Variants in AK5 observed in about 807,000 individuals in gnomAD.
The protein encoded by AK5 is adenylate kinase isoenzyme 5.
A neutral mutation model predicts 69.5 loss-of-function variants in AK5; 27 were observed. The ratio of observed to expected loss-of-function variants is 0.39; its 90% CI spans 0.29 to 0.54. AK5 has a LOEUF of 0.54. AK5 is among the 20% of genes least tolerant of loss of function. The pLI, the probability that AK5 is intolerant of heterozygous loss-of-function variation, is 0.71. For missense variants in AK5, 531 were observed against 700.4 expected (o/e 0.76, Z 2.73); for synonymous variants, 260 against 244.4 (o/e 1.06, Z -0.60).
intron 9 of AK5, among the ~76,000 whole-genome samples, chr1:77,483,787 GTAGTTACTAT>G (rs1655416010): frequency 6.6e-6 from 1 of 152,102 alleles, no homozygotes; most frequent in African/African-American, 2.4e-5. Context: ...TTCCTGCCTG[GTAGTTACTAT>G]TCCACGTGTA....
At chr1:77,343,843 T>C (rs973402349) in intron 6 of AK5, among the ~76,000 whole-genome samples, 2 of 152,254 alleles carry the variant, frequency 1.3e-5, no homozygotes, top group Non-Finnish European at 2.9e-5. Context: ...GAATCTACAG[T>C]AACCACTAGC....
intron 5 of AK5, among the ~76,000 whole-genome samples, chr1:77,339,638 C>G (rs901559882): frequency 1.4e-5 from 2 of 140,124 alleles, no homozygotes; most frequent in African/African-American, 2.7e-5. Context: ...TAAAATTTAG[C>G]AATATCTTTT....
chr1:77,467,651 T>A (rs1252509947), intron 8 of AK5, among the ~76,000 whole-genome samples: 1 of 152,232 alleles, frequency 6.6e-6, no homozygotes, highest in Admixed American at 6.5e-5. Flanking sequence ...GGCTTTTAAT[T>A]CTTCGATTTT....
chr1:77,283,900 C>T (rs572074491), intron 1 of AK5, among the ~76,000 whole-genome samples: 1 of 152,226 alleles, frequency 6.6e-6, no homozygotes, highest in African/African-American at 2.4e-5. Flanking sequence ...GCAAAAATTC[C>T]TACATAGTAC....
chr1:77,384,427 A>T (rs1249942047), intron 6 of AK5, among the ~76,000 whole-genome samples: 3 of 152,170 alleles, frequency 2.0e-5, no homozygotes, highest in Non-Finnish European at 4.4e-5. Flanking sequence ...TGGACACTTT[A>T]TAGATATTAT....
chr1:77,448,369 T>G (rs1652886500), intron 8 of AK5, among the ~76,000 whole-genome samples: 1 of 152,158 alleles, frequency 6.6e-6, no homozygotes, highest in South Asian at 2.1e-4. Flanking sequence ...TGGGACAACC[T>G]GCCTGCAGAT....
intron 8 of AK5, among the ~76,000 whole-genome samples, chr1:77,423,747 A>G (rs1018605523): frequency 1.3e-5 from 2 of 152,148 alleles, no homozygotes; most frequent in Non-Finnish European, 2.9e-5. Context: ...ACACTTCTGT[A>G]AGTTTTACCT....
chr1:77,376,451 C>CAAAAAAAAAAAAAAAAAA (rs762576175), intron 6 of AK5, among the ~76,000 whole-genome samples: 1 of 41,032 alleles, frequency 2.4e-5, no homozygotes, highest in African/African-American at 9.0e-5. Context: ...AAAAAAAAAA[C>CAAAAAAAAAAAAAAAAAA]AAAAAAAAAA....
intron 6 of AK5, among the ~76,000 whole-genome samples, chr1:77,406,712 A>C (rs1042976804): frequency 4.4e-5 from 6 of 135,952 alleles, no homozygotes; most frequent in Non-Finnish European, 6.3e-5. Flanking sequence ...GAGGAAAAAA[A>C]AAAAACATAC....
chr1:77,354,208 G>T (rs1410021262), intron 6 of AK5, among the ~76,000 whole-genome samples: 1 of 151,830 alleles, frequency 6.6e-6, no homozygotes, highest in Non-Finnish European at 1.5e-5. Context: ...CTAATTTCTT[G>T]TTGCTCTCTC....
chr1:77,471,146 T>C (rs1654485000), intron 8 of AK5, among the ~76,000 whole-genome samples: 1 of 151,804 alleles, frequency 6.6e-6, no homozygotes, highest in African/African-American at 2.4e-5. Context: ...CCTCCCAAAG[T>C]GCTGGAATTA....
At chr1:77,430,513 G>A (rs1236001006) in intron 8 of AK5, among the ~76,000 whole-genome samples, 4 of 152,104 alleles carry the variant, frequency 2.6e-5, no homozygotes, top group African/African-American at 9.7e-5. Context: ...GGTGTTCAGA[G>A]GAAATATCTG....
chr1:77,405,386 C>A (rs1045930974), intron 6 of AK5, among the ~76,000 whole-genome samples: 60 of 152,248 alleles, frequency 3.9e-4, no homozygotes, highest in African/African-American at 1.4e-3. Context: ...CACTTGGCCT[C>A]ATGTGCCCCC....
intron 2 of AK5, among the ~76,000 whole-genome samples, chr1:77,291,969 A>G (rs900096301): frequency 1.8e-4 from 28 of 152,202 alleles, no homozygotes; most frequent in Admixed American, 7.9e-4. Context: ...GCAGTCAGCC[A>G]TGGGAGCAAC....
intron 10 of AK5, among the ~76,000 whole-genome samples, chr1:77,493,213 G>A (rs1656100313): frequency 6.6e-6 from 1 of 151,992 alleles, no homozygotes; most frequent in African/African-American, 2.4e-5. Flanking sequence ...AGTGTGGGTG[G>A]GCACCATCCA....
At chr1:77,474,073 G>A (rs949469396) in intron 8 of AK5, among the ~76,000 whole-genome samples, 8 of 152,152 alleles carry the variant, frequency 5.3e-5, no homozygotes, top group Admixed American at 3.9e-4. Context: ...CAGATTAAAC[G>A]GGTCAAGCTC....
chr1:77,422,994 T>A (rs1393725334), intron 8 of AK5, among the ~76,000 whole-genome samples: 1 of 152,000 alleles, frequency 6.6e-6, no homozygotes, highest in Non-Finnish European at 1.5e-5. Flanking sequence ...GGTGGGTGGA[T>A]CACGAGGTCA....
At chr1:77,408,817 A>G (rs1015438929) in intron 6 of AK5, among the ~76,000 whole-genome samples, 1 of 152,038 alleles carries the variant, frequency 6.6e-6, no homozygotes, top group Non-Finnish European at 1.5e-5. Context: ...ACATAGGTAA[A>G]CATATGTCAT....
chr1:77,300,976 T>C (rs1480561704), intron 5 of AK5, among the ~76,000 whole-genome samples: 1 of 151,846 alleles, frequency 6.6e-6, no homozygotes, highest in African/African-American at 2.4e-5. Context: ...TGTAGGCACA[T>C]ACACACATGC....
Sources: gnomAD v4.1 joint callset for allele counts (sites outside exome capture counted in the v4.1 genomes callset) on GRCh38, gnomAD v4.1.1 for gene constraint, MANE v1.5 for transcripts, NCBI Gene and HGNC (gene_info 2026-07-23, HGNC 2026-07-21) for gene names.